Variants in CRIM1 observed in about 807,000 individuals in gnomAD.
CRIM1 encodes the protein cysteine-rich motor neuron 1 protein.
In CRIM1, 32 loss-of-function variants were observed where a neutral mutation model predicts 116.4. The ratio of observed to expected loss-of-function variants is 0.27; its 90% CI spans 0.21 to 0.37. The LOEUF is 0.37. CRIM1 is among the 10% of genes least tolerant of loss of function. The pLI is 1.00. For synonymous variants in CRIM1, 590 were observed against 509.2 expected (o/e 1.16, Z -2.13); for missense variants, 1,331 against 1,354.8 (o/e 0.98, Z 0.28).
intron 2 of CRIM1, among the ~76,000 whole-genome samples, chr2:36,422,046 T>C (rs149786610): frequency 2.6e-5 from 4 of 151,924 alleles, no homozygotes; most frequent in African/African-American, 7.2e-5. Flanking sequence ...ATTGTATATC[T>C]CATGAACTGC....
At position 36,464,581 on chromosome 2, in the gene CRIM1, G is replaced by C. The variant is rs1227949477; in HGVS notation, c.917G>C (p.Gly306Ala). 1 of 1,614,114 alleles carries C rather than the reference G, an allele frequency of 6.2e-7. No individual in the cohort carries two copies. The highest frequency in any genetic ancestry group is 8.5e-7 in the Non-Finnish European group (1 of 1,180,000). Residue 306 changes from glycine (G) to alanine (A), a missense_variant, in exon 5 of 17, where the codon GGA (glycine) becomes GCA (alanine). Physicochemically the swap from Gly to Ala is moderately conservative, Grantham distance 60 (BLOSUM62 0). Transcript: ENST00000280527. ...TGTGGTTTCCCCGTGTGTGAGGTGGGATCCACTCCCCGCATAGTCTCTCGT... is the reference window on the plus strand; with the variant it reads ...TGTGGTTTCCCCGTGTGTGAGGTGGCATCCACTCCCCGCATAGTCTCTCGT... ...GLCGFPVCEVGSTPRIVSRGD... is the reference protein window; with the variant it reads ...GLCGFPVCEVASTPRIVSRGD...
intron 1 of CRIM1, among the ~76,000 whole-genome samples, chr2:36,395,187 G>A (rs1369867726): frequency 6.6e-6 from 1 of 151,930 alleles, no homozygotes; most frequent in Non-Finnish European, 1.5e-5. Context: ...GCTAATTTTT[G>A]TATTTTTAAT....
intron 8 of CRIM1, among the ~76,000 whole-genome samples, chr2:36,504,102 G>A (rs1290810501): frequency 6.6e-6 from 1 of 152,058 alleles, no homozygotes; most frequent in African/African-American, 2.4e-5. Context: ...ACGAACTCCT[G>A]GCGTCAAGCA....
At chr2:36,419,470 C>A (rs1008087895) in intron 2 of CRIM1, among the ~76,000 whole-genome samples, 1 of 152,148 alleles carries the variant, frequency 6.6e-6, no homozygotes, top group Non-Finnish European at 1.5e-5. Flanking sequence ...TCATTGACAT[C>A]CCAGAATAGG....
intron 2 of CRIM1, among the ~76,000 whole-genome samples, chr2:36,420,779 A>G (rs72787255): frequency 0.03 from 4,495 of 152,290 alleles, 104 homozygotes; most frequent in Non-Finnish European, 0.043. Flanking sequence ...ACTGGAGCAT[A>G]GGTGCTGCCA....
At chr2:36,393,914 A>G (rs17018690) in intron 1 of CRIM1, among the ~76,000 whole-genome samples, 43,729 of 152,106 alleles carry the variant, frequency 0.29, 7,208 homozygotes, top group East Asian at 0.56. Context: ...AGCAGTAAGA[A>G]GCTGGGACAT....
chr2:36,364,566 C>G (rs1192085195), intron 1 of CRIM1, among the ~76,000 whole-genome samples: 2 of 152,156 alleles, frequency 1.3e-5, no homozygotes, highest in Admixed American at 1.3e-4. Context: ...CAAGAAAGAC[C>G]TGAGGGTCTC....
intron 2 of CRIM1, among the ~76,000 whole-genome samples, chr2:36,406,648 A>G (rs1259185250): frequency 6.1e-5 from 9 of 147,968 alleles, no homozygotes; most frequent in Non-Finnish European, 1.3e-4. Context: ...AAAAACAAAA[A>G]AAGATAACCT....
At chr2:36,510,859 G>A (rs1664623778) in intron 9 of CRIM1, among the ~76,000 whole-genome samples, 1 of 146,884 alleles carries the variant, frequency 6.8e-6, no homozygotes, top group South Asian at 2.2e-4. Context: ...TCCCTTTGCT[G>A]TCTTTCTTTC....
chr2:36,465,274 A>G (rs926426643), intron 5 of CRIM1, among the ~76,000 whole-genome samples: 6 of 152,128 alleles, frequency 3.9e-5, no homozygotes, highest in African/African-American at 1.2e-4. Context: ...TTCACTTTAT[A>G]TGGGAGGATT....
At chr2:36,359,507 G>C (rs1669081780) in intron 1 of CRIM1, among the ~76,000 whole-genome samples, 1 of 152,096 alleles carries the variant, frequency 6.6e-6, no homozygotes, top group African/African-American at 2.4e-5. Context: ...GTGGCTCACA[G>C]CCTTAGGTTT....
chr2:36,372,105 A>G (rs1669981431), intron 1 of CRIM1, among the ~76,000 whole-genome samples: 1 of 152,214 alleles, frequency 6.6e-6, no homozygotes, highest in Non-Finnish European at 1.5e-5. Flanking sequence ...TGATCTCCAG[A>G]TATCCTAAGG....
chr2:36,393,274 C>T (rs946899309), intron 1 of CRIM1, among the ~76,000 whole-genome samples: 3 of 152,144 alleles, frequency 2.0e-5, no homozygotes, highest in South Asian at 2.1e-4. Context: ...ATGTGTGCCT[C>T]ATACAGTGCT....
Position 36,476,905 on chromosome 2 carries a change from C to T in CRIM1, c.1008C>T (p.Cys336=), listed in dbSNP as rs766022040. The change falls in exon 6 of 17, where the codon TGC becomes TGT. Residue 336 remains cysteine (C), a synonymous_variant. Transcript: ENST00000280527. ...TCTTTTCAGATACAAAGCCAGCCTG[C>T]GTATTTAACAATGTGGAATATTATG... ...FECVNDTKPA[C]VFNNVEYYDG... The T allele has an allele frequency of 1.4e-5, 22 of 1,611,502 alleles. No individual in the cohort carries two copies. The highest frequency in any genetic ancestry group is 2.7e-5 in the African/African-American group (2 of 74,772).
intron 5 of CRIM1, among the ~76,000 whole-genome samples, chr2:36,473,724 C>T (rs532137014): frequency 3.9e-5 from 6 of 152,048 alleles, no homozygotes; most frequent in South Asian, 4.2e-4. Context: ...TTTATGGCCA[C>T]GTAATATTTT....
chr2:36,487,083 T>C (rs1163038103), intron 7 of CRIM1, among the ~76,000 whole-genome samples: 1 of 152,208 alleles, frequency 6.6e-6, no homozygotes, highest in Admixed American at 6.5e-5. Context: ...AATTTAACAT[T>C]TTAATTAGTA....
chr2:36,376,281 A>G (rs1459229693), intron 1 of CRIM1, among the ~76,000 whole-genome samples: 1 of 152,246 alleles, frequency 6.6e-6, no homozygotes, highest in Non-Finnish European at 1.5e-5. Flanking sequence ...CAATGTGATT[A>G]TAAATGTTTA....
chr2:36,382,892 G>T (rs549726185), intron 1 of CRIM1, among the ~76,000 whole-genome samples: 6 of 152,330 alleles, frequency 3.9e-5, no homozygotes, highest in African/African-American at 1.2e-4. Flanking sequence ...CATTACATAG[G>T]ATATGGATTT....
chr2:36,435,030 G>A (rs1675189439), intron 2 of CRIM1, among the ~76,000 whole-genome samples: 1 of 152,140 alleles, frequency 6.6e-6, no homozygotes, highest in Non-Finnish European at 1.5e-5. Flanking sequence ...GTGCTGTGTA[G>A]CTTTTTATTG....
Sources: allele counts gnomAD v4.1 joint callset (sites outside exome capture counted in the v4.1 genomes callset), GRCh38; gene constraint gnomAD v4.1.1; transcripts MANE v1.5; gene names NCBI Gene and HGNC (gene_info 2026-07-23, HGNC 2026-07-21).